The following LARGE1 variants were observed in gnomAD, a reference collection of about 807,000 sequenced individuals.
LARGE1 encodes LARGE xylosyl- and glucuronyltransferase 1, also known as xylosyl- and glucuronyltransferase LARGE1.
LARGE1 carries 43 observed loss-of-function variants against 87.6 expected under a neutral mutation model. The observed-to-expected ratio is 0.49, with a 90% CI of 0.38 to 0.63. The LOEUF is 0.63. Ranked by LOEUF, LARGE1 falls within the 30% of genes least tolerant of loss-of-function variation. The pLI is 0.00. For synonymous variants in LARGE1, 434 were observed against 394.6 expected (o/e 1.10, Z -1.18); for missense variants, 802 against 1,000.2 (o/e 0.80, Z 2.67).
intron 6 of LARGE1, among the ~76,000 whole-genome samples, chr22:33,522,304 G>A (rs953769192): frequency 2.6e-5 from 4 of 152,204 alleles, no homozygotes; most frequent in African/African-American, 9.7e-5. Context: ...TTTTGTAGAC[G>A]TTGCTGAAAG....
intron 1 of LARGE1, among the ~76,000 whole-genome samples, chr22:33,817,668 G>C (rs1008312699): frequency 6.6e-6 from 1 of 152,078 alleles, no homozygotes; most frequent in Admixed American, 6.6e-5. Context: ...GGTGAAGTTG[G>C]GGGCAGGGAA....
intron 1 of LARGE1, among the ~76,000 whole-genome samples, chr22:33,801,981 T>C (rs1023312398): frequency 2.5e-4 from 38 of 152,030 alleles, no homozygotes; most frequent in Admixed American, 1.3e-4. Flanking sequence ...TCTTCATTTG[T>C]TCAGACTACC....
chr22:33,344,510 C>T (rs1172133482), intron 9 of LARGE1, among the ~76,000 whole-genome samples: 2 of 152,090 alleles, frequency 1.3e-5, no homozygotes, highest in Admixed American at 6.6e-5. Flanking sequence ...GACCCAGAGT[C>T]GGAAAGTGAC....
intron 12 of LARGE1, among the ~76,000 whole-genome samples, chr22:33,297,301 T>C (rs1253954329): frequency 6.6e-6 from 1 of 152,156 alleles, no homozygotes; most frequent in East Asian, 1.9e-4. Flanking sequence ...CTCTACCCAG[T>C]GTGGCCTATT....
intron 1 of LARGE1, among the ~76,000 whole-genome samples, chr22:33,843,003 C>T (rs188208636): frequency 8.5e-5 from 13 of 152,212 alleles, no homozygotes; most frequent in Admixed American, 4.6e-4. Flanking sequence ...CTGTTTTGTT[C>T]CTCTGGGGGG....
intron 1 of LARGE1, among the ~76,000 whole-genome samples, chr22:33,842,901 T>C (rs1331229110): frequency 1.4e-5 from 2 of 143,740 alleles, no homozygotes; most frequent in African/African-American, 2.6e-5. Flanking sequence ...ACATTTCCCA[T>C]TCTAGCACAA....
At chr22:33,588,915 T>G (rs2078757283) in intron 5 of LARGE1, among the ~76,000 whole-genome samples, 1 of 152,212 alleles carries the variant, frequency 6.6e-6, no homozygotes, top group Non-Finnish European at 1.5e-5. Flanking sequence ...ACCCTCAAGA[T>G]GGATCACACA....
intron 1 of LARGE1, among the ~76,000 whole-genome samples, chr22:33,858,440 C>T (rs985599211): frequency 2.0e-4 from 30 of 151,692 alleles, no homozygotes; most frequent in African/African-American, 6.8e-4. Flanking sequence ...ATTGCTGGCT[C>T]GAATGCCTGG....
the LARGE1 span, among the ~76,000 whole-genome samples, chr22:33,082,577 C>A: frequency 1.3e-5 from 2 of 152,156 alleles, no homozygotes; most frequent in African/African-American, 2.4e-5. Context: ...GAGCAATCTA[C>A]GCATTTACTT....
At chr22:33,429,155 T>C (rs1158747516) in intron 7 of LARGE1, among the ~76,000 whole-genome samples, 2 of 152,056 alleles carry the variant, frequency 1.3e-5, no homozygotes, top group Non-Finnish European at 2.9e-5. Flanking sequence ...GCAGGTTCTC[T>C]CCAGGGTCGT....
At chr22:33,315,051 T>C (rs1569045505) in intron 11 of LARGE1, among the ~76,000 whole-genome samples, 1 of 152,050 alleles carries the variant, frequency 6.6e-6, no homozygotes, top group Non-Finnish European at 1.5e-5. Flanking sequence ...CTACTAAAAA[T>C]ACAAAAAATT....
chr22:33,840,644 G>A (rs991042620), intron 1 of LARGE1, among the ~76,000 whole-genome samples: 3 of 151,406 alleles, frequency 2.0e-5, no homozygotes, highest in African/African-American at 7.3e-5. Flanking sequence ...GACAGTCCCC[G>A]ATTTAGGATA....
At chr22:33,252,655 C>T (rs947762690) in intron 11 of LARGE1, among the ~76,000 whole-genome samples, 1 of 150,878 alleles carries the variant, frequency 6.6e-6, no homozygotes, top group African/African-American at 2.4e-5. Flanking sequence ...CTAACATTTG[C>T]CCAAAGACGT....
intron 10 of LARGE1, among the ~76,000 whole-genome samples, chr22:33,324,228 CAAAAAAAAAAAAAAA>C (rs1161508287): frequency 3.7e-4 from 4 of 10,740 alleles, no homozygotes; most frequent in Non-Finnish European, 4.9e-4. Flanking sequence ...GACTCCATCT[CAAAAAAAAAAAAAAA>C]AAAAAAAAAA....
At chr22:33,412,103 G>A (rs990341365) in intron 7 of LARGE1, among the ~76,000 whole-genome samples, 2 of 152,082 alleles carry the variant, frequency 1.3e-5, no homozygotes, top group African/African-American at 2.4e-5. Context: ...GGCCAACATG[G>A]CAAAATCCCG....
chr22:33,176,177 G>A (rs767996272), intron 11 of LARGE1, among the ~76,000 whole-genome samples: 3 of 152,124 alleles, frequency 2.0e-5, no homozygotes, highest in African/African-American at 4.8e-5. Flanking sequence ...AGACTTAAAT[G>A]TAAGACCTAA....
At chr22:33,122,206 A>C in the LARGE1 span, among the ~76,000 whole-genome samples, 1 of 152,158 alleles carries the variant, frequency 6.6e-6, no homozygotes, top group African/African-American at 2.4e-5. Context: ...ATGAGTTAGT[A>C]TGTGATTTCT....
rs695504 is a variant in LARGE1, at chr22:33,604,244, T to C, written c.615+191A>G. Among the ~76,000 whole-genome samples, 89,337 of 152,134 alleles carry C rather than the reference T, an allele frequency of 0.59. 27,883 individuals are homozygous for C. Among genetic ancestry groups the C allele is most frequent in the African/African-American group, 0.82 (34,106 of 41,530 alleles). ...CAAAACTCACAGACCAAAGTGGATTTTGTGCACTCAAAGGGGTTACTTTAA... is the reference window on the plus strand; with the variant it reads ...CAAAACTCACAGACCAAAGTGGATTCTGTGCACTCAAAGGGGTTACTTTAA... On this transcript the variant is annotated intron_variant, in intron 5 of 14. Coordinates refer to ENST00000397394, the MANE Select transcript of LARGE1 (RefSeq NM_133642.5).
intron 11 of LARGE1, among the ~76,000 whole-genome samples, chr22:33,245,042 A>T (rs1368275218): frequency 6.6e-6 from 1 of 152,232 alleles, no homozygotes; most frequent in Non-Finnish European, 1.5e-5. Flanking sequence ...TAAGCAATGA[A>T]ACCAGCCATT....
Sources: allele counts gnomAD v4.1 joint callset (sites outside exome capture counted in the v4.1 genomes callset), GRCh38; gene constraint gnomAD v4.1.1; transcripts MANE v1.5; gene names NCBI Gene and HGNC (gene_info 2026-07-23, HGNC 2026-07-21).